Variants in OR4N2 observed in about 807,000 individuals in gnomAD.
OR4N2 encodes olfactory receptor family 4 subfamily N member 2.
For synonymous variants in OR4N2, 141 were observed against 140.4 expected (o/e 1.00, Z -0.03); for missense variants, 307 against 377.6 (o/e 0.81, Z 1.55).
intron 1 of OR4N2, among the ~76,000 whole-genome samples, chr14:19,820,695 C>G (rs1010333246): frequency 6.6e-6 from 1 of 152,354 alleles, no homozygotes; most frequent in Non-Finnish European, 1.5e-5. Flanking sequence ...GGGCTCTGCC[C>G]AGTTCAAACT....
chr14:19,817,881 C>T (rs1261740526), intron 1 of OR4N2, among the ~76,000 whole-genome samples: 100 of 152,206 alleles, frequency 6.6e-4, no homozygotes, highest in Non-Finnish European at 5.9e-5. Flanking sequence ...GATTCTGGTA[C>T]ATTGTGTCTT....
chr14:19,825,593 T>G (rs1386820237), intron 1 of OR4N2, among the ~76,000 whole-genome samples: 1 of 152,118 alleles, frequency 6.6e-6, no homozygotes. Flanking sequence ...TCTCGCTCTG[T>G]CGCCCAGGCT....
chr14:19,811,413 A>T (rs1469745562), intron 1 of OR4N2, among the ~76,000 whole-genome samples: 2 of 152,070 alleles, frequency 1.3e-5, no homozygotes, highest in Non-Finnish European at 2.9e-5. Flanking sequence ...CGCCTGGCTA[A>T]TTTTTTGTAT....
At chr14:19,820,821 G>A (rs1299097420) in intron 1 of OR4N2, among the ~76,000 whole-genome samples, 2 of 151,882 alleles carry the variant, frequency 1.3e-5, no homozygotes, top group Non-Finnish European at 2.9e-5. Flanking sequence ...AGAGTGCTGT[G>A]CTGGCAGCAA....
At position 19,830,230 on chromosome 14, in the gene OR4N2, C is replaced by T. The variant is rs1879835093; in HGVS notation, c.*1858C>T. 6.6e-6 allele frequency: 1 copy of T among 152,316 alleles called. No individual in the cohort carries two copies. Among genetic ancestry groups the T allele is most frequent in the South Asian group, 2.1e-4 (1 of 4,832 alleles). The allele number at this position is 152,316 out of a possible 1,614,324, so 9.4% of individuals were successfully genotyped here. ...ATAAAACCTTCTTGCCACCTTTTCC[C>T]CTGTCCATGTCACTTCATGAGTCTT... On this transcript the variant is annotated 3_prime_UTR_variant, in exon 2 of 2. Coordinates refer to ENST00000557677, the MANE Select transcript of OR4N2 (RefSeq NM_001004723.3).
intron 1 of OR4N2, among the ~76,000 whole-genome samples, chr14:19,811,536 C>T (rs1475614511): frequency 6.6e-6 from 1 of 152,232 alleles, no homozygotes; most frequent in South Asian, 2.1e-4. Context: ...GTGAGCCACC[C>T]TGCCTGGCTA....
chr14:19,813,048 G>A (rs1466683279), intron 1 of OR4N2, among the ~76,000 whole-genome samples: 1 of 152,210 alleles, frequency 6.6e-6, no homozygotes, highest in Non-Finnish European at 1.5e-5. Flanking sequence ...TCTCCATTTT[G>A]AGGACTATTT....
At chr14:19,817,532 G>A (rs1879456370) in intron 1 of OR4N2, among the ~76,000 whole-genome samples, 1 of 152,220 alleles carries the variant, frequency 6.6e-6, no homozygotes, top group Non-Finnish European at 1.5e-5. Context: ...GGGATCAGTG[G>A]TGATACCCCT....
intron 1 of OR4N2, among the ~76,000 whole-genome samples, chr14:19,817,327 T>G (rs1191987459): frequency 6.6e-6 from 1 of 152,260 alleles, no homozygotes; most frequent in Non-Finnish European, 1.5e-5. Flanking sequence ...GTCCTGGACT[T>G]TTTTTGGTTG....
At chr14:19,806,258 C>T (rs572146706) in intron 1 of OR4N2, among the ~76,000 whole-genome samples, 8 of 152,116 alleles carry the variant, frequency 5.3e-5, no homozygotes, top group African/African-American at 1.9e-4. Context: ...TCTAAATGCC[C>T]TACTTAAAAG....
intron 1 of OR4N2, among the ~76,000 whole-genome samples, chr14:19,825,456 G>C (rs1469552766): frequency 4.0e-5 from 6 of 151,720 alleles, no homozygotes; most frequent in Admixed American, 3.3e-4. Context: ...TCTTTTCTAG[G>C]TACTGTTGCA....
At position 19,827,789 on chromosome 14, in the gene OR4N2, T is replaced by C; in HGVS notation, c.341T>C (p.Leu114Pro). ...LHFLGGGEGL[L>P]LVVMAFDRYI... ...TTCCTTGGAGGAGGGGAGGGATTAC[T>C]CCTTGTTGTGATGGCCTTTGACCGC... Residue 114 changes from leucine (L) to proline (P), a missense_variant, in exon 2 of 2, where the codon CTC becomes CCC. Leu to Pro is a moderately conservative substitution (Grantham distance 98). Coordinates refer to ENST00000557677, the MANE Select transcript of OR4N2 (RefSeq NM_001004723.3). 1 of 1,614,264 alleles carries C rather than the reference T, an allele frequency of 6.2e-7. No homozygotes were observed. Among genetic ancestry groups the C allele is most frequent in the Non-Finnish European group, 8.5e-7 (1 of 1,180,042 alleles).
chr14:19,823,021 C>T (rs1343334478), intron 1 of OR4N2, among the ~76,000 whole-genome samples: 5 of 152,228 alleles, frequency 3.3e-5, no homozygotes, highest in Admixed American at 2.6e-4. Flanking sequence ...TTTAATCTGG[C>T]CATCTCATTT....
At chr14:19,814,792 G>A (rs1232762008) in intron 1 of OR4N2, among the ~76,000 whole-genome samples, 1 of 152,234 alleles carries the variant, frequency 6.6e-6, no homozygotes, top group Non-Finnish European at 1.5e-5. Flanking sequence ...ACCTACATTA[G>A]GTATTTCTCC....
chr14:19,805,274 A>G (rs1218613051), intron 1 of OR4N2, among the ~76,000 whole-genome samples: 1 of 152,324 alleles, frequency 6.6e-6, no homozygotes, highest in Non-Finnish European at 1.5e-5. Context: ...TGACAGACAT[A>G]GAATTCAGGA....
At chr14:19,810,813 G>A (rs1351783198) in intron 1 of OR4N2, among the ~76,000 whole-genome samples, 4 of 152,188 alleles carry the variant, frequency 2.6e-5, no homozygotes, top group African/African-American at 7.2e-5. Flanking sequence ...TTTTAAAAGA[G>A]AAACACACAA....
At position 19,806,990 on chromosome 14, in the gene OR4N2, C is replaced by A. The variant is rs181830366; in HGVS notation, c.-10+3146C>A. ...GTGCACACTGAAATTAGGCAAAAAT[C>A]AAAAAAATTCTTTGAAATTAAAACA... On this transcript the variant is annotated intron_variant, in intron 1 of 1. Coordinates refer to ENST00000557677, the MANE Select transcript of OR4N2 (RefSeq NM_001004723.3). Among the ~76,000 whole-genome samples the A allele has an allele frequency of 4.0e-3, 614 of 151,756 alleles. 2 individuals are homozygous for A. The highest frequency in any genetic ancestry group is 0.015 in the South Asian group (74 of 4,790).
At chr14:19,826,870 T>C (rs1490192256) in intron 1 of OR4N2, among the ~76,000 whole-genome samples, 1 of 152,206 alleles carries the variant, frequency 6.6e-6, no homozygotes, top group East Asian at 1.9e-4. Flanking sequence ...GAAAAGAGTA[T>C]ACAAGGATAT....
chr14:19,817,882 A>G (rs1320661027), intron 1 of OR4N2, among the ~76,000 whole-genome samples: 101 of 152,190 alleles, frequency 6.6e-4, no homozygotes, highest in Non-Finnish European at 7.4e-5. Flanking sequence ...ATTCTGGTAC[A>G]TTGTGTCTTT....
Sources: gnomAD v4.1 joint callset for allele counts (sites outside exome capture counted in the v4.1 genomes callset) on GRCh38, gnomAD v4.1.1 for gene constraint, MANE v1.5 for transcripts, NCBI Gene and HGNC (gene_info 2026-07-23, HGNC 2026-07-21) for gene names.